Variants in PLBD1 observed in about 807,000 individuals in gnomAD.
PLBD1 encodes lysosomal leucine aminopeptidase.
Under a neutral mutation model 63.0 loss-of-function variants are expected in PLBD1, and 60 were observed. That is an observed-to-expected ratio of 0.95 (90% confidence interval 0.77 to 1.18). PLBD1 has a LOEUF of 1.18. Ranked by LOEUF, PLBD1 falls within the 50% of genes most tolerant of loss-of-function variation. PLBD1 has a pLI of 0.00. For synonymous variants in PLBD1, 262 were observed against 248.0 expected (o/e 1.06, Z -0.53); for missense variants, 598 against 677.9 (o/e 0.88, Z 1.31).
At chr12:14,528,424 G>A (rs554971899) in intron 6 of PLBD1, among the ~76,000 whole-genome samples, 6 of 135,222 alleles carry the variant, frequency 4.4e-5, no homozygotes, top group African/African-American at 1.5e-4. Context: ...CAATTAAATT[G>A]GAAAACAGTG....
At chr12:14,536,194 G>T (rs1208718701) in intron 5 of PLBD1, 1 of 233,190 alleles carries the variant, frequency 4.3e-6, no homozygotes, top group African/African-American at 2.3e-5. Flanking sequence ...AGCTACTCGG[G>T]AAGCTGAGGC....
intron 6 of PLBD1, among the ~76,000 whole-genome samples, chr12:14,529,343 C>G (rs1226870610): frequency 6.6e-6 from 1 of 151,870 alleles, no homozygotes; most frequent in African/African-American, 2.4e-5. Flanking sequence ...GAAAAGCAGA[C>G]TACAAACAAA....
chr12:14,528,714 A>G (rs1173565675), intron 6 of PLBD1, among the ~76,000 whole-genome samples: 1 of 152,140 alleles, frequency 6.6e-6, no homozygotes, highest in East Asian at 1.9e-4. Flanking sequence ...TAGAAGAAAG[A>G]AAATAAATAT....
chr12:14,561,104 A>T (rs1945739802), intron 1 of PLBD1, among the ~76,000 whole-genome samples: 1 of 151,270 alleles, frequency 6.6e-6, no homozygotes, highest in South Asian at 2.1e-4. Flanking sequence ...ACCTGCAGGA[A>T]GTGGAAATAA....
At position 14,560,220 on chromosome 12, in the gene PLBD1, G is replaced by A. The variant is rs11056027; in HGVS notation, c.116-6808C>T. The stretch of plus-strand genomic sequence containing the variant: ...TGAAAAAATTCCTACCCTGTCTTAG[G>A]AAAAAAAATGTATAAAATACTCATA... On this transcript the variant is annotated intron_variant, in intron 1 of 10. Coordinates refer to ENST00000240617, the MANE Select transcript of PLBD1 (RefSeq NM_024829.6). 1.5e-3 allele frequency among the ~76,000 whole-genome samples: 233 copies of A among 151,746 alleles called. 3 individuals carry two copies. In the South Asian group the frequency reaches 0.02, roughly 13 times the overall value.
chr12:14,565,187 C>A (rs1043407394), intron 1 of PLBD1, among the ~76,000 whole-genome samples: 1 of 152,146 alleles, frequency 6.6e-6, no homozygotes, highest in South Asian at 2.1e-4. Flanking sequence ...TAAAAGTGTC[C>A]GGGCATGGTA....
intron 2 of PLBD1, among the ~76,000 whole-genome samples, chr12:14,546,925 G>A (rs1289620685): frequency 6.6e-6 from 1 of 151,662 alleles, no homozygotes; most frequent in Non-Finnish European, 1.5e-5. Context: ...CTGTCACCCA[G>A]GCTGGAGTGC....
intron 2 of PLBD1, among the ~76,000 whole-genome samples, chr12:14,551,267 G>A (rs1288525256): frequency 6.6e-6 from 1 of 151,944 alleles, no homozygotes; most frequent in African/African-American, 2.4e-5. Context: ...GGAGGCTGAA[G>A]CTCAAGAATT....
chr12:14,527,565 T>TA (rs1173157110), intron 6 of PLBD1, among the ~76,000 whole-genome samples: 4 of 152,192 alleles, frequency 2.6e-5, no homozygotes. Flanking sequence ...AACAAAAACT[T>TA]ACGATGCACT....
chr12:14,566,321 AC>A (rs1484040803), intron 1 of PLBD1, among the ~76,000 whole-genome samples: 2 of 152,218 alleles, frequency 1.3e-5, no homozygotes, highest in African/African-American at 4.8e-5. Context: ...AAGAGTGATA[AC>A]TAAGCAAGTC....
chr12:14,555,105 G>A (rs546985032), intron 1 of PLBD1, among the ~76,000 whole-genome samples: 10 of 152,214 alleles, frequency 6.6e-5, no homozygotes, highest in Admixed American at 2.0e-4. Context: ...ACAACTAGCC[G>A]TTTAAGTATA....
At position 14,519,634 on chromosome 12, in the gene PLBD1, A is replaced by G. The variant is rs547286571; in HGVS notation, c.845-7923T>C. ...ACATCATCTTAAAAAAAAAAAAAAAAAAAGGAGGAAGTGATGCCAGGTATA... is the reference window on the plus strand; with the variant it reads ...ACATCATCTTAAAAAAAAAAAAAAAGAAAGGAGGAAGTGATGCCAGGTATA... On this transcript the variant is annotated intron_variant, in intron 6 of 10. Transcript: ENST00000240617. Among the ~76,000 whole-genome samples, 11 of 151,930 alleles carry G rather than the reference A, an allele frequency of 7.2e-5. 1 individual carries two copies. Among genetic ancestry groups the G allele is most frequent in the African/African-American group, 2.4e-4 (10 of 41,446 alleles).
chr12:14,511,241 T>C lies in PLBD1; in HGVS notation c.1186+19A>G. The C allele has an allele frequency of 1.3e-6, 2 of 1,566,074 alleles. No homozygotes were observed. Among genetic ancestry groups the C allele is most frequent in the South Asian group, 2.4e-5 (2 of 82,312 alleles). On this transcript the variant is annotated intron_variant, in intron 8 of 10. Transcript: ENST00000240617. Reference sequence around the variant, plus strand: ...CACATACTCATCAGGTTTTAAGACTTACGACATGAAGAAAGTACCTTTCCG... The same window carrying C: ...CACATACTCATCAGGTTTTAAGACTCACGACATGAAGAAAGTACCTTTCCG...
intron 1 of PLBD1, among the ~76,000 whole-genome samples, chr12:14,555,275 C>T (rs1945693538): frequency 1.3e-5 from 2 of 152,210 alleles, no homozygotes; most frequent in South Asian, 2.1e-4. Context: ...CAGTGGCTCA[C>T]ACCTGTAATC....
chr12:14,507,031 T>C lies in PLBD1; in HGVS notation c.1274A>G (p.Asp425Gly), dbSNP rs1459329174. The C allele has an allele frequency of 1.2e-6, 2 of 1,613,972 alleles. No homozygotes were observed. Among genetic ancestry groups the C allele is most frequent in the Non-Finnish European group, 1.7e-6 (2 of 1,179,924 alleles). ...YPLLVQKLGL[D>G]YSYDLAPRAK... ...TCGTGGAGCTAAATCATAAGAGTAG[T>C]CCAAGCCCAGCTTCTGAACTAACAG... Residue 425 changes from aspartate (D) to glycine (G), a missense_variant, in exon 9 of 11, where the codon GAC becomes GGC. Physicochemically the swap from Asp to Gly is moderately conservative, Grantham distance 94. Transcript: ENST00000240617.
chr12:14,539,905 T>G (rs1158911018), intron 4 of PLBD1, among the ~76,000 whole-genome samples: 1 of 148,528 alleles, frequency 6.7e-6, no homozygotes, highest in Non-Finnish European at 1.5e-5. Context: ...TATACACACA[T>G]ATATACACAG....
intron 6 of PLBD1, among the ~76,000 whole-genome samples, chr12:14,519,326 AGAAGAG>A (rs1945358582): frequency 6.6e-6 from 1 of 152,178 alleles, no homozygotes; most frequent in African/African-American, 2.4e-5. Context: ...TGTCCTTATA[AGAAGAG>A]GAAGTGAGCC....
Position 14,506,965 on chromosome 12 carries a change from G to T in PLBD1, c.1340C>A (p.Thr447Lys). 6.2e-7 allele frequency: 1 copy of T among 1,614,020 alleles called. No homozygotes were observed. The highest frequency in any genetic ancestry group is 8.5e-7 in the Non-Finnish European group (1 of 1,179,958). ...TCGCATGATATATTTCATGGATGCC[G>T]TATCAGTCACTTTCCCTTGGTCACG... is the stretch of plus-strand genomic sequence containing the variant. ...FRRDQGKVTDTASMKYIMRYN... is the reference protein window; with the variant it reads ...FRRDQGKVTDKASMKYIMRYN... Residue 447 changes from threonine to lysine, a missense_variant, in exon 9 of 11, where the codon ACG becomes AAG. Thr to Lys is a moderately conservative substitution (Grantham distance 78, BLOSUM62 -1). Transcript: ENST00000240617.
chr12:14,544,282 T>C (rs1373295813), intron 2 of PLBD1, among the ~76,000 whole-genome samples: 1 of 152,214 alleles, frequency 6.6e-6, no homozygotes, highest in African/African-American at 2.4e-5. Flanking sequence ...CAAGGAATTC[T>C]CCTGCCTCAG....
Sources: allele counts gnomAD v4.1 joint callset (sites outside exome capture counted in the v4.1 genomes callset), GRCh38; gene constraint gnomAD v4.1.1; transcripts MANE v1.5; gene names NCBI Gene and HGNC (gene_info 2026-07-23, HGNC 2026-07-21).